The following TPO variants were observed in gnomAD, a reference collection of about 807,000 sequenced individuals.
The protein encoded by TPO is thyroid microsomal antigen.
In TPO, 78 loss-of-function variants were observed where a neutral mutation model predicts 96.9. The observed-to-expected ratio is 0.81, with a 90% CI of 0.67 to 0.97. The LOEUF (loss-of-function observed/expected upper bound fraction) is 0.97. Among genes scored for constraint, TPO ranks in the 50% least tolerant of loss-of-function variants. TPO has a pLI of 0.00. For missense variants in TPO, 1,252 were observed against 1,274.8 expected, an observed-to-expected ratio of 0.98 and a Z score of 0.27; for synonymous variants, 547 against 538.0, an observed-to-expected ratio of 1.02 and a Z score of -0.23.
At chr2:1,522,059 G>A (rs570310701) in intron 15 of TPO, among the ~76,000 whole-genome samples, 1 of 151,966 alleles carries the variant, frequency 6.6e-6, no homozygotes, top group Admixed American at 6.6e-5. Context: ...TCCCTCTCCT[G>A]ACCCCAGGCT....
chr2:1,530,971 C>A (rs894377503), intron 15 of TPO, among the ~76,000 whole-genome samples: 5 of 129,628 alleles, frequency 3.9e-5, no homozygotes, highest in Non-Finnish European at 8.0e-5. Flanking sequence ...TCAAATCCCC[C>A]CAGTATGTGC....
intron 7 of TPO, among the ~76,000 whole-genome samples, chr2:1,473,467 A>G (rs2148660224): frequency 6.6e-6 from 1 of 152,320 alleles, no homozygotes; most frequent in South Asian, 2.1e-4. Context: ...ATATCCTATT[A>G]TCTGTCAAGT....
intron 15 of TPO, among the ~76,000 whole-genome samples, chr2:1,539,665 C>T (rs1486800827): frequency 2.0e-5 from 3 of 152,048 alleles, no homozygotes; most frequent in Non-Finnish European, 4.4e-5. Flanking sequence ...AGGAGGACCT[C>T]GGGAGTTGTT....
chr2:1,537,069 T>A lies in TPO; in HGVS notation c.2619-3525T>A, dbSNP rs1213920341. On this transcript the variant is annotated intron_variant, in intron 15 of 16. Transcript: ENST00000329066. The stretch of plus-strand genomic sequence containing the variant: ...TGCAACCTCCCCAAATCCCTGCCAC[T>A]GTGTGCAACCTCACCAAATCCGTCC... Among the ~76,000 whole-genome samples the A allele has an allele frequency of 3.0e-4, 26 of 85,974 alleles. 1 individual carries two copies. Among genetic ancestry groups the A allele is most frequent in the Non-Finnish European group, 3.2e-4 (13 of 41,138 alleles). The allele number at this position is 85,974 out of a possible 152,430, so 56.4% of individuals were successfully genotyped here.
intron 1 of TPO, among the ~76,000 whole-genome samples, chr2:1,375,284 C>T (rs141925803): frequency 1.3e-5 from 2 of 152,006 alleles, no homozygotes; most frequent in Non-Finnish European, 2.9e-5. Flanking sequence ...TCACCTTGGT[C>T]GTGAAAGGGA....
chr2:1,411,411 T>C (rs1235449168), upstream of TPO, among the ~76,000 whole-genome samples: 1 of 152,252 alleles, frequency 6.6e-6, no homozygotes, highest in Admixed American at 6.5e-5. Context: ...CAGGTCTCCA[T>C]CGGCACTCGG....
chr2:1,530,288 G>A (rs1345504827), intron 15 of TPO, among the ~76,000 whole-genome samples: 2 of 16,908 alleles, frequency 1.2e-4, no homozygotes, highest in Non-Finnish European at 2.3e-4. Flanking sequence ...CAAATCCCCC[G>A]CCAGTGTGAG....
In TPO at chr2:1,504,029, G is replaced by A. The variant is rs1673153111; in HGVS notation, c.2468G>A (p.Cys823Tyr). ...AGAAACACCAAAGGCGGCTTCCAGT[G>A]TCTCTGCGCGGACCCCTACGAGTTA... ...RCRNTKGGFQ[C>Y]LCADPYELGD... The change falls in exon 14 of 17, where the codon TGT becomes TAT. Residue 823 changes from cysteine (C) to tyrosine (Y), a missense_variant. By Grantham distance (194) the Cys-to-Tyr change is radical (BLOSUM62 -2). Transcript: ENST00000329066. 2 of 1,614,240 alleles carry A rather than the reference G, an allele frequency of 1.2e-6. No homozygotes were observed. Among genetic ancestry groups the A allele is most frequent in the Non-Finnish European group, 1.7e-6 (2 of 1,180,042 alleles).
intron 13 of TPO, among the ~76,000 whole-genome samples, chr2:1,502,789 T>C (rs984892877): frequency 6.6e-6 from 1 of 152,238 alleles, no homozygotes; most frequent in African/African-American, 2.4e-5. Flanking sequence ...CTGCTAGTTG[T>C]CATAAGCATC....
rs560445984 is a variant in TPO at position 1,535,024 on chromosome 2, C to T, written c.2619-5570C>T. ...CTAAATCGCCGCAAGTGTGTACAAC[C>T]TCCCCAAATCCCCCCCACTGTGTGC... On this transcript the variant is annotated intron_variant, in intron 15 of 16. Coordinates refer to ENST00000329066, the MANE Select transcript of TPO (RefSeq NM_001206744.2). Among the ~76,000 whole-genome samples, 32 of 146,792 alleles carry T rather than the reference C, an allele frequency of 2.2e-4. 2 individuals carry two copies. Among genetic ancestry groups the T allele is most frequent in the Non-Finnish European group, 1.9e-4 (13 of 66,928 alleles).
Position 1,537,299 on chromosome 2 carries a change from G to A in TPO, c.2619-3295G>A, listed in dbSNP as rs1410792278. Among the ~76,000 whole-genome samples the A allele has an allele frequency of 8.2e-3, 483 of 59,092 alleles. 2 individuals are homozygous for A. The highest frequency in any genetic ancestry group is 0.033 in the African/African-American group (445 of 13,402). The allele number at this position is 59,092 out of a possible 152,430, so 38.8% of individuals were successfully genotyped here. A position where few individuals can be genotyped will look rare whatever the true frequency, so the allele number is the denominator to read the frequency against. On this transcript the variant is annotated intron_variant, in intron 15 of 16. Transcript: ENST00000329066. The stretch of plus-strand genomic sequence containing the variant: ...CCTCCCCAAATCCCCCCCACCCTCT[G>A]CAACGTCCCCAAACCTACTCTGTCC...
chr2:1,442,872 C>A (rs1397939051), intron 5 of TPO, among the ~76,000 whole-genome samples: 1 of 152,168 alleles, frequency 6.6e-6, no homozygotes, highest in Admixed American at 6.5e-5. Context: ...TAATGGCCAC[C>A]TTTGAAGCCC....
chr2:1,442,865 T>G (rs1341099647), intron 5 of TPO, among the ~76,000 whole-genome samples: 1 of 152,232 alleles, frequency 6.6e-6, no homozygotes, highest in South Asian at 2.1e-4. Flanking sequence ...ATGTAAATAA[T>G]GGCCACCTTT....
chr2:1,390,702 A>C (rs994446460), intron 1 of TPO, among the ~76,000 whole-genome samples: 1 of 152,080 alleles, frequency 6.6e-6, no homozygotes, highest in African/African-American at 2.4e-5. Context: ...TTGTTTCCTA[A>C]CTTTTTAATG....
intron 1 of TPO, among the ~76,000 whole-genome samples, chr2:1,390,467 G>A (rs1661983233): frequency 1.3e-5 from 2 of 152,122 alleles, no homozygotes; most frequent in Non-Finnish European, 2.9e-5. Context: ...CTTTGCTATT[G>A]TGAATAGTGC....
At chr2:1,529,838 C>A (rs1453874154) in intron 15 of TPO, among the ~76,000 whole-genome samples, 1 of 142,438 alleles carries the variant, frequency 7.0e-6, no homozygotes, top group Non-Finnish European at 1.5e-5. Context: ...CAAATCCCCC[C>A]GACGCTGTGC....
At chr2:1,476,212 G>C (rs901385188) in intron 7 of TPO, among the ~76,000 whole-genome samples, 3 of 152,158 alleles carry the variant, frequency 2.0e-5, no homozygotes, top group Non-Finnish European at 4.4e-5. Context: ...GTCTCTTTCG[G>C]AATCTGTCCA....
chr2:1,436,345 C>T lies in TPO; in HGVS notation c.443C>T (p.Ala148Val), dbSNP rs138509145. ...LPPKCPNTCLANKYRPITGAC... is the reference protein window; with the variant it reads ...LPPKCPNTCLVNKYRPITGAC... ...CCAAAATGCCCAAACACTTGCCTGG[C>T]GAACAAATACAGGCCCATCACAGGA... Residue 148 changes from alanine (A) to valine (V), a missense_variant, in exon 5 of 17, where the codon GCG (alanine) becomes GTG (valine). Physicochemically the swap from Ala to Val is moderately conservative, Grantham distance 64 (BLOSUM62 0). Coordinates refer to ENST00000329066, the MANE Select transcript of TPO (RefSeq NM_001206744.2). 101 of 1,614,058 alleles carry T rather than the reference C, an allele frequency of 6.3e-5. 1 individual carries two copies. The highest frequency in any genetic ancestry group is 1.8e-4 in the East Asian group (8 of 44,886).
intron 1 of TPO, among the ~76,000 whole-genome samples, chr2:1,402,766 G>T (rs11900674): frequency 1.3e-5 from 2 of 151,908 alleles, no homozygotes; most frequent in Non-Finnish European, 2.9e-5. Flanking sequence ...ATTATCTCCC[G>T]CTGGGTCCCT....
Sources: gnomAD v4.1 joint callset for allele counts (sites outside exome capture counted in the v4.1 genomes callset) on GRCh38, gnomAD v4.1.1 for gene constraint, MANE v1.5 for transcripts, NCBI Gene and HGNC (gene_info 2026-07-23, HGNC 2026-07-21) for gene names.